COL6A6: variants seen among roughly 807,000 people sequenced by gnomAD.
COL6A6 encodes the protein collagen alpha-6(VI) chain.
Under a neutral mutation model 208.6 loss-of-function variants are expected in COL6A6, and 183 were observed. The observed-to-expected ratio is 0.88, with a 90% CI of 0.78 to 0.99. The LOEUF is 0.99. COL6A6 is among the 50% of genes least tolerant of loss of function. The probability of loss-of-function intolerance (pLI) is 0.00; values close to 1 mark genes in which losing one functional copy is unlikely to be tolerated. For missense variants in COL6A6, 2,816 were observed against 2,815.2 expected, an observed-to-expected ratio of 1.00 and a Z score of -0.01; for synonymous variants, 973 against 1,011.8, an observed-to-expected ratio of 0.96 and a Z score of 0.73.
chr3:130,525,558 G>A (rs1392571668), intron 1 of COL6A6, among the ~76,000 whole-genome samples: 1 of 152,036 alleles, frequency 6.6e-6, no homozygotes, highest in Non-Finnish European at 1.5e-5. Context: ...ATTTTTTTAA[G>A]CAAAAGTGAT....
At chr3:130,571,415 T>A in intron 7 of COL6A6, 22 bp downstream of exon 7, 2 of 1,510,292 alleles carry the variant, frequency 1.3e-6, no homozygotes, top group Non-Finnish European at 1.8e-6. Context: ...CAACTAAGTT[T>A]TTCCTAATTA....
At chr3:130,638,523 G>T (rs146701983) in intron 28 of COL6A6, among the ~76,000 whole-genome samples, 1 of 152,262 alleles carries the variant, frequency 6.6e-6, no homozygotes, top group East Asian at 1.9e-4. Context: ...TCTCTTCTGC[G>T]TTGGATCTCT....
chr3:130,605,083 C>T (rs992736365), intron 20 of COL6A6, among the ~76,000 whole-genome samples: 10 of 152,150 alleles, frequency 6.6e-5, no homozygotes, highest in African/African-American at 2.2e-4. Context: ...AATATGCTTC[C>T]TGTTTTTCTG....
Position 130,563,627 on chromosome 3 carries a change from G to A in COL6A6, c.624G>A (p.Lys208=). The change falls in exon 3 of 37, where the codon AAG becomes AAA. Residue 208 remains lysine, a synonymous_variant. Coordinates refer to ENST00000358511, the MANE Select transcript of COL6A6 (RefSeq NM_001102608.3). ...NMTHIIKDVI[K]YKEGAVDDIF... ...CACACATCATCAAGGATGTAATAAA[G>A]TACAAGGAGGGAGCAGTTGATGACA... 2 of 1,613,574 alleles carry A rather than the reference G, an allele frequency of 1.2e-6. No individual in the cohort carries two copies. The highest frequency in any genetic ancestry group is 1.7e-6 in the Non-Finnish European group (2 of 1,179,562).
intron 1 of COL6A6, among the ~76,000 whole-genome samples, chr3:130,557,238 A>G (rs16829370): frequency 0.047 from 7,173 of 152,302 alleles, 545 homozygotes; most frequent in African/African-American, 0.16. Context: ...CTGTTCAAAT[A>G]TGATTAACAT....
rs755825361 is a variant in COL6A6, at chr3:130,565,006, C to T, written c.674C>T (p.Pro225Leu). ...DDIFVEACQG[P>L]SMADVVFLLD... is the part of the protein sequence containing the mutation. ...TCTTGCCACACAGCTTGCCAAGGCC[C>T]TTCTATGGCCGATGTTGTGTTCCTA... Residue 225 changes from proline to leucine, a missense_variant, in exon 4 of 37, where the codon CCT becomes CTT. Coordinates refer to ENST00000358511, the MANE Select transcript of COL6A6 (RefSeq NM_001102608.3). 32 of 1,612,838 alleles carry T rather than the reference C, an allele frequency of 2.0e-5. No homozygotes were observed. The South Asian group carries it at 3.5e-4, about 18-fold the overall frequency.
intron 16 of COL6A6, 39 bp from the exon 17 acceptor site, chr3:130,593,160 C>G: frequency 6.2e-7 from 1 of 1,611,062 alleles, no homozygotes; most frequent in South Asian, 1.1e-5. Flanking sequence ...ATTATGAAAA[C>G]GAGAATTCTA....
At chr3:130,557,928 T>C (rs2062802854) in intron 1 of COL6A6, among the ~76,000 whole-genome samples, 1 of 152,228 alleles carries the variant, frequency 6.6e-6, no homozygotes. Context: ...AAAAGACCTT[T>C]ATAGCATATA....
Position 130,606,148 on chromosome 3 carries a change from G to A in COL6A6, c.4654-783G>A, listed in dbSNP as rs141236321. 5.2e-3 allele frequency among the ~76,000 whole-genome samples: 786 copies of A among 152,294 alleles called. 13 individuals are homozygous for A. Among genetic ancestry groups the A allele is most frequent in the Admixed American group, 0.048 (735 of 15,288 alleles). The stretch of plus-strand genomic sequence containing the variant: ...CTCAAATTTCAATCAAGACAATTCC[G>A]ATTTTATTGAATTTTGCAAATGCTG... On this transcript the variant is annotated intron_variant, in intron 20 of 36. Coordinates refer to ENST00000358511, the MANE Select transcript of COL6A6 (RefSeq NM_001102608.3).
intron 1 of COL6A6, among the ~76,000 whole-genome samples, chr3:130,530,496 A>C (rs1427594802): frequency 1.2e-4 from 19 of 152,268 alleles, no homozygotes; most frequent in Admixed American, 1.2e-3. Context: ...TTAACACAGC[A>C]CTGCTCAAAG....
At chr3:130,605,658 C>T (rs1023250071) in intron 20 of COL6A6, among the ~76,000 whole-genome samples, 2 of 152,084 alleles carry the variant, frequency 1.3e-5, no homozygotes, top group African/African-American at 2.4e-5. Flanking sequence ...CTAATCATTT[C>T]CCCGAAATAC....
chr3:130,571,643 T>C (rs555009709), intron 7 of COL6A6, among the ~76,000 whole-genome samples: 8 of 152,288 alleles, frequency 5.3e-5, no homozygotes, highest in Middle Eastern at 3.4e-3. Context: ...CTTCTAATGA[T>C]GGGAAATTCA....
intron 35 of COL6A6, among the ~76,000 whole-genome samples, chr3:130,663,914 C>T (rs1252007307): frequency 6.6e-6 from 1 of 152,186 alleles, no homozygotes; most frequent in African/African-American, 2.4e-5. Flanking sequence ...AAAGACTTTG[C>T]ATAATCATGT....
At chr3:130,645,599 C>T (rs969185432) in intron 32 of COL6A6, among the ~76,000 whole-genome samples, 4 of 152,110 alleles carry the variant, frequency 2.6e-5, no homozygotes, top group African/African-American at 9.7e-5. Context: ...TTCTTACTCC[C>T]TTCATTTTCT....
chr3:130,599,557 A>C (rs550929726), intron 19 of COL6A6, among the ~76,000 whole-genome samples, 200 bp from the exon 20 acceptor site: 2 of 152,234 alleles, frequency 1.3e-5, no homozygotes, highest in Admixed American at 1.3e-4. Flanking sequence ...TGTCATTAGC[A>C]TTTTTTCCTG....
intron 12 of COL6A6, among the ~76,000 whole-genome samples, chr3:130,590,626 G>C (rs1399722378): frequency 6.6e-6 from 1 of 151,876 alleles, no homozygotes; most frequent in Non-Finnish European, 1.5e-5. Context: ...GGAGTGCAGT[G>C]GTGCGATCTC....
At chr3:130,648,909 AATT>A (rs2065537939) in intron 32 of COL6A6, among the ~76,000 whole-genome samples, 157 bp from the exon 33 acceptor site, 1 of 152,170 alleles carries the variant, frequency 6.6e-6, no homozygotes, top group Non-Finnish European at 1.5e-5. Context: ...TAACATCTAT[AATT>A]ATTCAAGATT....
intron 12 of COL6A6, chr3:130,589,888 A>G: frequency 2.9e-6 from 1 of 344,898 alleles, no homozygotes; most frequent in South Asian, 2.4e-5. Flanking sequence ...ATTTATAGAT[A>G]GCACTGTAAC....
intron 36 of COL6A6, among the ~76,000 whole-genome samples, chr3:130,674,830 G>A (rs1212408220): frequency 6.6e-6 from 1 of 152,162 alleles, no homozygotes; most frequent in Non-Finnish European, 1.5e-5. Flanking sequence ...AAAATAGCAT[G>A]ATGTGCTGAG....
Sources: allele counts gnomAD v4.1 joint callset (sites outside exome capture counted in the v4.1 genomes callset), GRCh38; gene constraint gnomAD v4.1.1; transcripts MANE v1.5; gene names NCBI Gene and HGNC (gene_info 2026-07-23, HGNC 2026-07-21).